The following SLAMF1 variants were observed in gnomAD, a reference collection of about 807,000 sequenced individuals.
SLAMF1 encodes the protein signaling lymphocytic activation molecule.
SLAMF1 carries 18 observed loss-of-function variants against 35.1 expected under a neutral mutation model. The observed-to-expected ratio is 0.51, with a 90% CI of 0.35 to 0.76. The LOEUF is 0.76. Ranked by LOEUF, SLAMF1 falls within the 30% of genes least tolerant of loss-of-function variation. SLAMF1 has a pLI of 0.01. For missense variants in SLAMF1, 392 were observed against 413.0 expected (o/e 0.95, Z 0.44); for synonymous variants, 168 against 157.2 (o/e 1.07, Z -0.51).
intron 5 of SLAMF1, among the ~76,000 whole-genome samples, chr1:160,615,186 A>C (rs1659222383): frequency 6.9e-6 from 1 of 144,926 alleles, no homozygotes; most frequent in South Asian, 2.3e-4. Flanking sequence ...AATATGAACA[A>C]AGAAAATTGT....
At position 160,637,470 on chromosome 1, in the gene SLAMF1, G is replaced by A. The variant is rs1399318849; in HGVS notation, c.136C>T (p.Pro46Ser). The change falls in exon 2 of 7, where the codon CCC becomes TCC. Residue 46 changes from proline to serine, a missense_variant. By Grantham distance (74) the Pro-to-Ser change is moderately conservative. Transcript: ENST00000302035. ...TTATTTATCCTTTCATATGTCAGGG[G>A]CAGCAGCACTTTGCTTCCCAACTGC... ...LRQLGSKVLL[P>S]LTYERINKSM... 6.2e-7 allele frequency: 1 copy of A among 1,613,836 alleles called. No homozygotes were observed. The highest frequency in any genetic ancestry group is 8.5e-7 in the Non-Finnish European group (1 of 1,179,968).
intron 4 of SLAMF1, among the ~76,000 whole-genome samples, chr1:160,620,875 A>G (rs914975602): frequency 6.6e-6 from 1 of 152,234 alleles, no homozygotes; most frequent in Non-Finnish European, 1.5e-5. Context: ...AATTTTATTT[A>G]ATTCAAATTA....
At chr1:160,634,435 A>G in intron 3 of SLAMF1, 178 bp downstream of exon 3, 1 of 980,688 alleles carries the variant, frequency 1.0e-6, no homozygotes, top group Non-Finnish European at 1.2e-6. Context: ...TAAAAATGCC[A>G]CCCTGGTCAA....
At chr1:160,639,484 C>G (rs536271709) in intron 1 of SLAMF1, among the ~76,000 whole-genome samples, 1 of 152,300 alleles carries the variant, frequency 6.6e-6, no homozygotes, top group Admixed American at 6.5e-5. Context: ...GCCTCGGCCT[C>G]CCAAAGTGCT....
At chr1:160,632,752 TA>T (rs1194737006) in intron 3 of SLAMF1, among the ~76,000 whole-genome samples, 1 of 152,168 alleles carries the variant, frequency 6.6e-6, no homozygotes, top group African/African-American at 2.4e-5. Context: ...CATTTACAAT[TA>T]AAAAATACAT....
chr1:160,625,452 A>G (rs1659827924), intron 3 of SLAMF1, among the ~76,000 whole-genome samples: 1 of 152,230 alleles, frequency 6.6e-6, no homozygotes, highest in African/African-American at 2.4e-5. Flanking sequence ...GACAGTCTCA[A>G]TGAATTCATA....
At chr1:160,622,834 T>G (rs144634084) in intron 4 of SLAMF1, among the ~76,000 whole-genome samples, 145 of 152,370 alleles carry the variant, frequency 9.5e-4, no homozygotes, top group Non-Finnish European at 1.8e-3. Flanking sequence ...CAAAGAGTCA[T>G]GAAATTGAAA....
chr1:160,634,606 T>G lies in SLAMF1; in HGVS notation c.700+7A>C. 6.3e-7 allele frequency: 1 copy of G among 1,589,220 alleles called. No homozygotes were observed. The highest frequency in any genetic ancestry group is 8.6e-7 in the Non-Finnish European group (1 of 1,165,098). ...GGTGGCACACAGGCTGCCACCAGTGTACTCACCTGAGGGGTCTGTCCTGCA... is the reference window on the plus strand; with the variant it reads ...GGTGGCACACAGGCTGCCACCAGTGGACTCACCTGAGGGGTCTGTCCTGCA... On this transcript the variant is annotated splice_region_variant and intron_variant, in intron 3 of 6. Coordinates refer to ENST00000302035, the MANE Select transcript of SLAMF1 (RefSeq NM_003037.5).
chr1:160,642,988 G>C lies in SLAMF1; in HGVS notation c.76+3882C>G, dbSNP rs1660832602. On this transcript the variant is annotated intron_variant, in intron 1 of 6. Coordinates refer to ENST00000302035, the MANE Select transcript of SLAMF1 (RefSeq NM_003037.5). This position sits in a 1 kb window ranked among gnomAD's most constrained non-coding sequence, Gnocchi z 4.2. The stretch of plus-strand genomic sequence containing the variant: ...CCCAAATGTGCACATGAGATATACT[G>C]GATTAGAGTTAAATTTCTTATTAAA... 6.6e-6 allele frequency among the ~76,000 whole-genome samples: 1 copy of C among 151,848 alleles called. No homozygotes were observed. Among genetic ancestry groups the C allele is most frequent in the Admixed American group, 6.6e-5 (1 of 15,238 alleles).
chr1:160,624,582 T>G (rs529416799), intron 3 of SLAMF1, among the ~76,000 whole-genome samples: 1 of 152,326 alleles, frequency 6.6e-6, no homozygotes, highest in East Asian at 1.9e-4. Context: ...CCATGTGCCG[T>G]CCCTGTGAAT....
chr1:160,628,830 C>T (rs372892970), intron 3 of SLAMF1, among the ~76,000 whole-genome samples: 13 of 152,342 alleles, frequency 8.5e-5, no homozygotes, highest in African/African-American at 3.1e-4. Flanking sequence ...TTATACTTTA[C>T]AATAACAAGA....
intron 1 of SLAMF1, among the ~76,000 whole-genome samples, chr1:160,645,761 A>C (rs894323371): frequency 6.6e-6 from 1 of 152,192 alleles, no homozygotes; most frequent in Non-Finnish European, 1.5e-5. Context: ...TGCAGATTCC[A>C]AAAGAAAGTG....
chr1:160,635,070 C>G (rs1242912756), intron 2 of SLAMF1, among the ~76,000 whole-genome samples, 173 bp from the exon 3 acceptor site: 1 of 152,204 alleles, frequency 6.6e-6, no homozygotes, highest in Non-Finnish European at 1.5e-5. Flanking sequence ...CCCACTACAT[C>G]CTATCTAAGA....
At chr1:160,627,676 A>T (rs1000420125) in intron 3 of SLAMF1, among the ~76,000 whole-genome samples, 4 of 152,236 alleles carry the variant, frequency 2.6e-5, no homozygotes, top group Non-Finnish European at 4.4e-5. Flanking sequence ...CTACTATTAC[A>T]GTTTGTTCAG....
At chr1:160,644,570 T>C (rs1006322554) in intron 1 of SLAMF1, among the ~76,000 whole-genome samples, 2 of 152,192 alleles carry the variant, frequency 1.3e-5, no homozygotes, top group African/African-American at 4.8e-5. Flanking sequence ...CAGTGGCTGT[T>C]GTTCATTTTG....
Position 160,609,023 on chromosome 1 carries a change from A to G in SLAMF1, c.*1725T>C, listed in dbSNP as rs1658842111. 6.6e-6 allele frequency: 1 copy of G among 152,210 alleles called. No homozygotes were observed. Among genetic ancestry groups the G allele is most frequent in the Non-Finnish European group, 1.5e-5 (1 of 68,052 alleles). 9.4% of individuals were successfully genotyped at this position (152,210 alleles called of 1,614,324 possible). ...AATCCCAGACTTTGAATTATAAGCT[A>G]GAGATGAAAGGATGAAGAAGGGACC... is the stretch of plus-strand genomic sequence containing the variant. On this transcript the variant is annotated 3_prime_UTR_variant, in exon 7 of 7. Transcript: ENST00000302035.
intron 5 of SLAMF1, among the ~76,000 whole-genome samples, chr1:160,613,739 A>G (rs1348326841): frequency 1.3e-5 from 2 of 152,248 alleles, no homozygotes; most frequent in East Asian, 1.9e-4. Flanking sequence ...TTCTCTTCAT[A>G]TATTTGATGA....
At position 160,637,369 on chromosome 1, in the gene SLAMF1, C is replaced by T. The variant is rs1571006521; in HGVS notation, c.237G>A (p.Val79=). ...SLENSVENKI[V]SLDPSEAGPP... ...GGCCTGCTTCGGATGGATCAAGAGA[C>T]ACTATTTTGTTCTCGACACTGTTCT... The change falls in exon 2 of 7, where the codon GTG becomes GTA. Residue 79 remains valine, a synonymous_variant. Coordinates refer to ENST00000302035, the MANE Select transcript of SLAMF1 (RefSeq NM_003037.5). 19 of 1,614,118 alleles carry T rather than the reference C, an allele frequency of 1.2e-5. No individual in the cohort carries two copies. The highest frequency in any genetic ancestry group is 1.5e-5 in the Non-Finnish European group (18 of 1,180,000).
rs1440961037 is a variant in SLAMF1 at position 160,642,391 on chromosome 1, A to G, written c.76+4479T>C. ...GGAAGACTTTCCTGACTCCTGACTT[A>G]GGTTGGGTTTTCCTGTCACAGACTT... On this transcript the variant is annotated intron_variant, in intron 1 of 6. Coordinates refer to ENST00000302035, the MANE Select transcript of SLAMF1 (RefSeq NM_003037.5). This position sits in a 1 kb window ranked among gnomAD's most constrained non-coding sequence, Gnocchi z 4.2. 1.3e-5 allele frequency among the ~76,000 whole-genome samples: 2 copies of G among 152,110 alleles called. No homozygotes were observed. The highest frequency in any genetic ancestry group is 6.5e-5 in the Admixed American group (1 of 15,272).
Sources: gnomAD v4.1 joint callset for allele counts (sites outside exome capture counted in the v4.1 genomes callset) on GRCh38, gnomAD v4.1.1 for gene constraint, Gnocchi (gnomAD v3.1) non-coding constraint, MANE v1.5 for transcripts, NCBI Gene and HGNC (gene_info 2026-07-23, HGNC 2026-07-21) for gene names.